Variants in SPINK5 observed in about 807,000 individuals in gnomAD.
The protein encoded by SPINK5 is serine protease inhibitor Kazal-type 5.
Under a neutral mutation model 151.8 loss-of-function variants are expected in SPINK5, and 125 were observed. That is an observed-to-expected ratio of 0.82 (90% CI 0.71 to 0.96). SPINK5 has a LOEUF of 0.96. SPINK5 is among the 40% of genes least tolerant of loss of function. The pLI is 0.00. For synonymous variants in SPINK5, 374 were observed against 395.3 expected (o/e 0.95, Z 0.64); for missense variants, 1,194 against 1,291.9 (o/e 0.92, Z 1.16).
At chr5:148,099,196 G>A (rs1753563281) in intron 11 of SPINK5, 38 bp from the exon 12 acceptor site, 2 of 1,565,228 alleles carry the variant, frequency 1.3e-6, no homozygotes, top group Admixed American at 1.8e-5. Flanking sequence ...GCATGTGTTT[G>A]TTCCTAATGG....
chr5:148,084,487 C>T (rs61547850), intron 4 of SPINK5, among the ~76,000 whole-genome samples: 5,136 of 151,858 alleles, frequency 0.034, 151 homozygotes, highest in East Asian at 0.13. Flanking sequence ...ATCCTTGCGC[C>T]TGTTTTCATC....
chr5:148,095,390 A>C (rs1017766529), intron 9 of SPINK5, among the ~76,000 whole-genome samples: 2 of 152,146 alleles, frequency 1.3e-5, no homozygotes, highest in Admixed American at 6.6e-5. Context: ...GATATGAATG[A>C]AGATCTCCCA....
intron 2 of SPINK5, among the ~76,000 whole-genome samples, chr5:148,069,560 T>C (rs991173188): frequency 1.3e-5 from 2 of 152,124 alleles, no homozygotes; most frequent in Admixed American, 1.3e-4. Context: ...CAAGGTTTGA[T>C]TCTGATGGTA....
In SPINK5 at chr5:148,111,864, G is replaced by A. The variant is rs758802914; in HGVS notation, c.1789G>A (p.Gly597Ser). ...PIEGLDGKIH[G>S]NTCSMCEAFF... ...TGAGGGTCTAGATGGGAAAATCCACGGCAACACCTGCTCCATGTGTGAAGC... is the reference window on the plus strand; with the variant it reads ...TGAGGGTCTAGATGGGAAAATCCACAGCAACACCTGCTCCATGTGTGAAGC... The change falls in exon 19 of 33, where the codon GGC becomes AGC. Residue 597 changes from glycine to serine, a missense_variant. Physicochemically the swap from Gly to Ser is moderately conservative, Grantham distance 56. Transcript: ENST00000256084. The A allele has an allele frequency of 1.5e-5, 24 of 1,613,834 alleles. No homozygotes were observed. Among genetic ancestry groups the A allele is most frequent in the South Asian group, 1.4e-4 (13 of 91,082 alleles).
chr5:148,125,735 G>T lies in SPINK5; in HGVS notation c.2752G>T (p.Glu918Ter). 1 of 1,614,184 alleles carries T rather than the reference G, an allele frequency of 6.2e-7. No homozygotes were observed. The highest frequency in any genetic ancestry group is 2.2e-5 in the East Asian group (1 of 44,884). Reference protein sequence around the residue: ...PSNNAKDECSEFRNYIRNNEL... With the variant: ...PSNNAKDECS ...TCTCATTTTCTAGGATGAGTGCAGT[G>T]AATTTCGAAACTATATAAGGAACAA... The change falls in exon 29 of 33, where the codon GAA (glutamate) becomes TAA (stop). Residue 918 changes from glutamate (E) to a stop codon, truncating the protein, a stop_gained. Coordinates refer to ENST00000256084, the MANE Select transcript of SPINK5 (RefSeq NM_006846.4). LOFTEE classifies it high-confidence loss of function.
chr5:148,123,186 C>T (rs975198740), intron 26 of SPINK5, among the ~76,000 whole-genome samples: 1 of 151,078 alleles, frequency 6.6e-6, no homozygotes, highest in African/African-American at 2.4e-5. Flanking sequence ...CCCGTCTCTA[C>T]AAAAAATTTT....
At chr5:148,081,080 C>T (rs544619742) in intron 4 of SPINK5, among the ~76,000 whole-genome samples, 4 of 151,568 alleles carry the variant, frequency 2.6e-5, no homozygotes, top group African/African-American at 4.8e-5. Flanking sequence ...TATCACTACA[C>T]GTACCCACTA....
intron 10 of SPINK5, 29 bp downstream of exon 10, chr5:148,095,934 CAACTT>C (rs1485810748): frequency 2.6e-6 from 4 of 1,554,526 alleles, no homozygotes; most frequent in Non-Finnish European, 3.5e-6. Context: ...AATCTAGTTA[CAACTT>C]GTGTGTGTGT....
chr5:148,072,459 G>C (rs1250597139), intron 4 of SPINK5, among the ~76,000 whole-genome samples: 4 of 151,944 alleles, frequency 2.6e-5, no homozygotes, highest in Admixed American at 2.6e-4. Context: ...GAGGTGGAGT[G>C]AGCCAGTGTG....
At position 148,112,922 on chromosome 5, in the gene SPINK5, A is replaced by T. The variant is rs373811778; in HGVS notation, c.1875A>T (p.Arg625Ser). The change falls in exon 20 of 33, where the codon AGA becomes AGT. Residue 625 changes from arginine (R) to serine (S), a missense_variant. By Grantham distance (110) the Arg-to-Ser change is moderately radical (BLOSUM62 -1). Coordinates refer to ENST00000256084, the MANE Select transcript of SPINK5 (RefSeq NM_006846.4). Reference protein sequence around the residue: ...ERAEPRAKVKREAEKETCDEF... With the variant: ...ERAEPRAKVKSEAEKETCDEF... ...CTGAACCCAGAGCAAAAGTCAAAAG[A>T]GAAGCTGAAAAGGTAGTAATCCTGA... 1.4e-5 allele frequency: 22 copies of T among 1,613,780 alleles called. No individual in the cohort carries two copies. In the African/African-American group the frequency reaches 2.9e-4, roughly 22 times the overall value.
At chr5:148,071,516 G>A (rs1176265402) in intron 3 of SPINK5, among the ~76,000 whole-genome samples, 1 of 151,978 alleles carries the variant, frequency 6.6e-6, no homozygotes, top group African/African-American at 2.4e-5. Context: ...TGTTTCATAA[G>A]ATGTTTTAAT....
In SPINK5 at chr5:148,129,421, G is replaced by C. The variant is rs958391988; in HGVS notation, c.2965-1838G>C. On this transcript the variant is annotated intron_variant, in intron 30 of 32. Coordinates refer to ENST00000256084, the MANE Select transcript of SPINK5 (RefSeq NM_006846.4). ...GATGCTGGTTTATACCATGTTAGTA[G>C]TGGTGGAGCTCTTGAGAGGTGGTAA... Among the ~76,000 whole-genome samples, 6 of 152,292 alleles carry C rather than the reference G, an allele frequency of 3.9e-5. No homozygotes were observed. In the East Asian group the frequency reaches 1.2e-3, roughly 29 times the overall value.
chr5:148,098,346 A>C (rs1469609858), intron 11 of SPINK5, among the ~76,000 whole-genome samples: 3 of 152,086 alleles, frequency 2.0e-5, no homozygotes, highest in Non-Finnish European at 2.9e-5. Flanking sequence ...GTGATGCTTA[A>C]TGTAGAAATG....
intron 4 of SPINK5, among the ~76,000 whole-genome samples, chr5:148,076,605 GTTTGTC>G (rs1458649200): frequency 2.0e-5 from 3 of 151,612 alleles, no homozygotes; most frequent in African/African-American, 7.3e-5. Flanking sequence ...AATTAATGGA[GTTTGTC>G]TTTAACTGTG....
chr5:148,089,328 A>G (rs186949025), intron 6 of SPINK5, 166 bp from the exon 7 acceptor site: 3 of 865,566 alleles, frequency 3.5e-6, no homozygotes, highest in Non-Finnish European at 5.7e-6. Flanking sequence ...TTTTATATTT[A>G]ACCACATGAA....
chr5:148,120,664 G>A (rs1258775832), intron 26 of SPINK5, among the ~76,000 whole-genome samples: 1 of 152,126 alleles, frequency 6.6e-6, no homozygotes, highest in East Asian at 1.9e-4. Context: ...CTTTGAGACA[G>A]GGTCTTGCTG....
chr5:148,100,306 C>A (rs967829006), intron 12 of SPINK5, 148 bp from the exon 13 acceptor site: 1 of 868,800 alleles, frequency 1.2e-6, no homozygotes, highest in African/African-American at 1.6e-5. Flanking sequence ...TTCTTGTTGT[C>A]AAATTGAATT....
Position 148,111,770 on chromosome 5 carries a change from G to T in SPINK5, c.1695G>T (p.Glu565Asp). ...AEKVKREAVQ[E>D]LCSEYRHYVR... ...CCTGCTTCTGCTTCATTTGGCAGGA[G>T]CTGTGCAGTGAATATCGTCATTATG... Residue 565 changes from glutamate (E) to aspartate (D), a missense_variant and splice_region_variant, in exon 19 of 33, where the codon GAG (glutamate) becomes GAT (aspartate). Glu to Asp is a conservative substitution (Grantham distance 45, BLOSUM62 2). Coordinates refer to ENST00000256084, the MANE Select transcript of SPINK5 (RefSeq NM_006846.4). The T allele has an allele frequency of 6.2e-7, 1 of 1,613,988 alleles. No homozygotes were observed. The highest frequency in any genetic ancestry group is 8.5e-7 in the Non-Finnish European group (1 of 1,179,898).
intron 26 of SPINK5, among the ~76,000 whole-genome samples, chr5:148,123,525 A>G (rs537642000): frequency 2.2e-3 from 56 of 25,030 alleles, no homozygotes; most frequent in African/African-American, 5.0e-3. Flanking sequence ...ATATGTGTAT[A>G]TATATATATA....
Sources: gnomAD v4.1 joint callset for allele counts (sites outside exome capture counted in the v4.1 genomes callset) on GRCh38, gnomAD v4.1.1 for gene constraint, MANE v1.5 for transcripts, NCBI Gene and HGNC (gene_info 2026-07-23, HGNC 2026-07-21) for gene names.